The following SF3A3 variants were observed in gnomAD, a reference collection of about 807,000 sequenced individuals.
The protein encoded by SF3A3 is splicing factor 3a subunit 3.
SF3A3 carries 9 observed loss-of-function variants against 85.8 expected under a neutral mutation model. The observed-to-expected ratio is 0.10, with a 90% CI of 0.06 to 0.18. The LOEUF is 0.18. Among genes scored for constraint, SF3A3 ranks in the 10% least tolerant of loss-of-function variants. SF3A3 has a pLI of 1.00. For synonymous variants in SF3A3, 195 were observed against 204.4 expected (o/e 0.95, Z 0.39); for missense variants, 306 against 593.3 (o/e 0.52, Z 5.03).
intron 6 of SF3A3, among the ~76,000 whole-genome samples, chr1:37,982,719 T>C (rs1393294866): frequency 6.6e-6 from 1 of 152,078 alleles, no homozygotes; most frequent in Middle Eastern, 3.2e-3. Flanking sequence ...ATTAAATACC[T>C]TTTTGCTGAC....
intron 14 of SF3A3, 119 bp downstream of exon 14, chr1:37,969,235 T>C: frequency 1.4e-6 from 1 of 718,294 alleles, no homozygotes; most frequent in Admixed American, 2.7e-5. Context: ...AAAACCATCC[T>C]TCTCTGATTC....
At chr1:37,978,602 A>ATC in intron 11 of SF3A3, 118 bp downstream of exon 11, 1 of 635,524 alleles carries the variant, frequency 1.6e-6, no homozygotes, top group Non-Finnish European at 2.8e-6. Flanking sequence ...AGCAGACTGG[A>ATC]TCTCTGTCAA....
At chr1:37,975,998 T>C (rs1246292828) in intron 12 of SF3A3, among the ~76,000 whole-genome samples, 1 of 151,858 alleles carries the variant, frequency 6.6e-6, no homozygotes, top group East Asian at 1.9e-4. Flanking sequence ...CTACTAAAAA[T>C]ACAAAAAACT....
chr1:37,980,759 A>G (rs1408978694), intron 7 of SF3A3, 35 bp from the exon 8 acceptor site: 1 of 1,555,694 alleles, frequency 6.4e-7, no homozygotes, highest in South Asian at 1.2e-5. Context: ...CAAAGCAAAA[A>G]GGGTTTCTAT....
intron 15 of SF3A3, chr1:37,960,438 C>A: frequency 2.2e-6 from 1 of 464,282 alleles, no homozygotes; most frequent in South Asian, 4.6e-5. Flanking sequence ...AACTGATACT[C>A]TTGAAGGAGG....
At chr1:37,989,642 A>C in intron 1 of SF3A3, 47 bp from the exon 2 acceptor site, 1 of 1,606,368 alleles carries the variant, frequency 6.2e-7, no homozygotes, top group African/African-American at 1.3e-5. Flanking sequence ...TGCGTTCTGG[A>C]GTAGAAAAGG....
chr1:37,966,232 A>T (rs112243457), intron 15 of SF3A3, among the ~76,000 whole-genome samples: 2,095 of 126,260 alleles, frequency 0.017, 60 homozygotes, highest in African/African-American at 0.052. Context: ...TTAATTAATT[A>T]AATTAAATTA....
chr1:37,973,071 C>T (rs1367375323), intron 12 of SF3A3, among the ~76,000 whole-genome samples: 7 of 151,858 alleles, frequency 4.6e-5, no homozygotes, highest in African/African-American at 1.5e-4. Flanking sequence ...CCCAGCTACT[C>T]GGGAGGCTGA....
At chr1:37,972,351 G>T (rs553649366) in intron 12 of SF3A3, among the ~76,000 whole-genome samples, 1 of 151,972 alleles carries the variant, frequency 6.6e-6, no homozygotes, top group African/African-American at 2.4e-5. Context: ...TCAACGAAAT[G>T]AAAGAGGACA....
At chr1:37,982,910 T>A (rs554858611) in intron 6 of SF3A3, among the ~76,000 whole-genome samples, 2 of 151,836 alleles carry the variant, frequency 1.3e-5, no homozygotes, top group East Asian at 3.9e-4. Context: ...GCCTGGACAA[T>A]ACAGTGAAAC....
At chr1:37,988,930 T>C (rs974403705) in intron 2 of SF3A3, among the ~76,000 whole-genome samples, 40 of 151,676 alleles carry the variant, frequency 2.6e-4, no homozygotes, top group Non-Finnish European at 2.2e-4. Context: ...ATTGTAGCTA[T>C]GCACCTGAGT....
intron 15 of SF3A3, among the ~76,000 whole-genome samples, chr1:37,961,579 C>T (rs1443068441): frequency 3.3e-5 from 5 of 150,224 alleles, no homozygotes; most frequent in African/African-American, 9.8e-5. Flanking sequence ...AGTGGAACTC[C>T]GTCTCAAAAA....
rs1453806760 is a variant in SF3A3, at chr1:37,969,653, T to C, written c.1088A>G (p.Gln363Arg). 3.1e-6 allele frequency: 5 copies of C among 1,613,892 alleles called. No homozygotes were observed. The highest frequency in any genetic ancestry group is 1.3e-5 in the African/African-American group (1 of 74,940). Residue 363 changes from glutamine to arginine, a missense_variant, in exon 13 of 17, where the codon CAG becomes CGG. Transcript: ENST00000373019. The stretch of plus-strand genomic sequence containing the variant: ...ATCTTCACTCTCACTCTCACTGATC[T>C]GCTCTTCTTCCTCTTCTTCTCGCTC... ...GEEREEEEEE[Q>R]ISESESEDEE...
At chr1:37,962,059 G>A (rs1274639263) in intron 15 of SF3A3, among the ~76,000 whole-genome samples, 1 of 149,696 alleles carries the variant, frequency 6.7e-6, no homozygotes, top group Non-Finnish European at 1.5e-5. Flanking sequence ...ACTCCAGCCT[G>A]GGCAACAAGA....
chr1:37,959,574 A>AATT (rs912524330), intron 16 of SF3A3, among the ~76,000 whole-genome samples: 10 of 150,910 alleles, frequency 6.6e-5, no homozygotes, highest in Non-Finnish European at 1.2e-4. Context: ...ACACTTGGCT[A>AATT]ATTATTATTA....
chr1:37,989,360 C>T (rs891845632), intron 2 of SF3A3, among the ~76,000 whole-genome samples, 188 bp downstream of exon 2: 7 of 152,074 alleles, frequency 4.6e-5, no homozygotes, highest in Non-Finnish European at 8.8e-5. Context: ...CCAAGAGTTC[C>T]CCATTCAGAG....
chr1:37,961,780 A>AAAAAAAAAG (rs1553164720), intron 15 of SF3A3, among the ~76,000 whole-genome samples: 4 of 141,846 alleles, frequency 2.8e-5, no homozygotes, highest in African/African-American at 1.1e-4. Context: ...AAAAAAAAAA[A>AAAAAAAAAG]AAAGAAAGAA....
intron 12 of SF3A3, among the ~76,000 whole-genome samples, chr1:37,973,755 A>G (rs1342432058): frequency 6.6e-6 from 1 of 152,188 alleles, no homozygotes; most frequent in Admixed American, 6.6e-5. Flanking sequence ...GATTGTAAAT[A>G]ATGCTGCTAT....
chr1:37,989,631 T>C (rs1163589745), intron 1 of SF3A3, 36 bp from the exon 2 acceptor site: 9 of 1,611,034 alleles, frequency 5.6e-6, no homozygotes, highest in African/African-American at 1.3e-5. Context: ...CGCCGTTAGT[T>C]TGCGTTCTGG....
Sources: allele counts gnomAD v4.1 joint callset (sites outside exome capture counted in the v4.1 genomes callset), GRCh38; gene constraint gnomAD v4.1.1; transcripts MANE v1.5; gene names NCBI Gene and HGNC (gene_info 2026-07-23, HGNC 2026-07-21).